The following MYPN variants were observed in gnomAD, a reference collection of about 807,000 sequenced individuals.
MYPN encodes the protein myopalladin.
Under a neutral mutation model 129.4 loss-of-function variants are expected in MYPN, and 63 were observed. The observed-to-expected ratio is 0.49, with a 90% CI of 0.40 to 0.60. The LOEUF (loss-of-function observed/expected upper bound fraction) is 0.60. Ranked by LOEUF, MYPN falls within the 20% of genes least tolerant of loss-of-function variation. MYPN has a pLI of 0.00. For synonymous variants in MYPN, 629 were observed against 600.9 expected, an observed-to-expected ratio of 1.05 and a Z score of -0.68; for missense variants, 1,596 against 1,635.4, an observed-to-expected ratio of 0.98 and a Z score of 0.42.
At chr10:68,205,510 T>C (rs1382770749) in intron 18 of MYPN, among the ~76,000 whole-genome samples, 3 of 115,550 alleles carry the variant, frequency 2.6e-5, no homozygotes, top group East Asian at 4.2e-4. Context: ...GAAACCCTAT[T>C]TCTACCAAAA....
intron 12 of MYPN, among the ~76,000 whole-genome samples, chr10:68,178,908 C>T (rs4480432): frequency 0.41 from 62,785 of 151,338 alleles, 13,750 homozygotes; most frequent in Non-Finnish European, 0.49. Flanking sequence ...TTCCAACTTT[C>T]CTCCTTGACC....
chr10:68,088,149 C>T (rs1309471924), intron 1 of MYPN, among the ~76,000 whole-genome samples: 1 of 152,162 alleles, frequency 6.6e-6, no homozygotes. Flanking sequence ...TTCTATTCAT[C>T]CTTAATCAGG....
At position 68,174,638 on chromosome 10, in the gene MYPN, C is replaced by T. The variant is rs1207673431; in HGVS notation, c.2546C>T (p.Pro849Leu). The change falls in exon 11 of 20, where the codon CCT (proline) becomes CTT (leucine). Residue 849 changes from proline (P) to leucine (L), a missense_variant. Pro to Leu is a moderately conservative substitution (Grantham distance 98). Transcript: ENST00000358913. ...AIPPTNAMGLPRSAPSMPSQG... is the reference protein window; with the variant it reads ...AIPPTNAMGLLRSAPSMPSQG... Reference sequence around the variant, plus strand: ...CCACCCACAAATGCCATGGGGCTGCCTAGAAGTGCACCATCCATGTAAGTG... The same window carrying T: ...CCACCCACAAATGCCATGGGGCTGCTTAGAAGTGCACCATCCATGTAAGTG... 3.7e-6 allele frequency: 6 copies of T among 1,614,118 alleles called. No individual in the cohort carries two copies. The highest frequency in any genetic ancestry group is 2.2e-5 in the South Asian group (2 of 91,088).
At chr10:68,118,531 C>T (rs1368856437) in intron 1 of MYPN, among the ~76,000 whole-genome samples, 2 of 152,110 alleles carry the variant, frequency 1.3e-5, no homozygotes, top group African/African-American at 2.4e-5. Context: ...GACAAAGTCA[C>T]ATTAAAACAC....
intron 12 of MYPN, among the ~76,000 whole-genome samples, chr10:68,185,013 A>T (rs2134243466): frequency 6.6e-6 from 1 of 152,226 alleles, no homozygotes; most frequent in African/African-American, 2.4e-5. Flanking sequence ...GTGATGATGG[A>T]AACTGGGACT....
chr10:68,102,016 A>G (rs1165607563), upstream of MYPN, among the ~76,000 whole-genome samples: 1 of 151,934 alleles, frequency 6.6e-6, no homozygotes, highest in East Asian at 1.9e-4. Context: ...TACTGCCCAG[A>G]ATTTAAATTC....
chr10:68,153,959 GT>G (rs1373301140), intron 6 of MYPN, among the ~76,000 whole-genome samples: 1 of 151,674 alleles, frequency 6.6e-6, no homozygotes, highest in African/African-American at 2.4e-5. Flanking sequence ...AGCGAGCAGA[GT>G]TTTATTTAAC....
intron 17 of MYPN, among the ~76,000 whole-genome samples, chr10:68,200,199 T>C (rs977064732): frequency 5.9e-5 from 9 of 152,242 alleles, no homozygotes; most frequent in African/African-American, 1.9e-4. Context: ...GGTCAGAGAC[T>C]GTGGCTCGTC....
chr10:68,198,463 T>A (rs1292103615), intron 16 of MYPN, among the ~76,000 whole-genome samples: 2 of 152,186 alleles, frequency 1.3e-5, no homozygotes, highest in Non-Finnish European at 2.9e-5. Flanking sequence ...TGCAGAATGC[T>A]ATGGAAGACT....
intron 13 of MYPN, among the ~76,000 whole-genome samples, chr10:68,193,890 C>T (rs1446721766): frequency 6.8e-6 from 1 of 146,472 alleles, no homozygotes; most frequent in Non-Finnish European, 1.5e-5. Flanking sequence ...TAATCCTAGC[C>T]TCATTCCATT....
chr10:68,114,483 G>A (rs1008403122), intron 1 of MYPN, among the ~76,000 whole-genome samples: 1 of 151,814 alleles, frequency 6.6e-6, no homozygotes, highest in Non-Finnish European at 1.5e-5. Flanking sequence ...CAGGTAACTG[G>A]GATTACAGGC....
intron 1 of MYPN, among the ~76,000 whole-genome samples, chr10:68,088,583 C>T (rs1284918754): frequency 6.6e-6 from 1 of 152,080 alleles, no homozygotes; most frequent in Non-Finnish European, 1.5e-5. Context: ...TTTCTGTCTC[C>T]CATACTAGAA....
intron 2 of MYPN, among the ~76,000 whole-genome samples, chr10:68,126,558 G>T (rs773145559): frequency 2.6e-5 from 4 of 152,148 alleles, no homozygotes; most frequent in Admixed American, 6.5e-5. Flanking sequence ...GGTCGGACTC[G>T]GGTAGGTGTG....
chr10:68,199,876 C>T (rs1476352742), intron 17 of MYPN, among the ~76,000 whole-genome samples: 1 of 152,222 alleles, frequency 6.6e-6, no homozygotes, highest in Non-Finnish European at 1.5e-5. Context: ...TACAGTCCAT[C>T]ATTCCTGGAA....
At chr10:68,098,813 A>G (rs1279324047) in intron 1 of MYPN, among the ~76,000 whole-genome samples, 1 of 152,184 alleles carries the variant, frequency 6.6e-6, no homozygotes, top group Non-Finnish European at 1.5e-5. Flanking sequence ...ATTGCACTCC[A>G]GCCTGGGCGA....
intron 19 of MYPN, among the ~76,000 whole-genome samples, chr10:68,209,674 T>TTC (rs1342708839): frequency 1.6e-3 from 57 of 36,216 alleles, no homozygotes; most frequent in African/African-American, 0.015. Flanking sequence ...TTCTTTTCTT[T>TTC]TTTTTTTTTT....
chr10:68,132,308 T>TA, intron 2 of MYPN, among the ~76,000 whole-genome samples: 1 of 152,346 alleles, frequency 6.6e-6, no homozygotes, highest in East Asian at 1.9e-4. Context: ...TTTATAATGT[T>TA]AAACCAATCT....
chr10:68,093,466 T>A (rs10823134), intron 1 of MYPN, among the ~76,000 whole-genome samples: 5 of 150,370 alleles, frequency 3.3e-5, no homozygotes, highest in African/African-American at 9.8e-5. Flanking sequence ...AGGCCGAGCG[T>A]GGTGGCTCAT....
intron 6 of MYPN, among the ~76,000 whole-genome samples, chr10:68,157,866 A>T (rs1408109406): frequency 6.6e-6 from 1 of 150,904 alleles, no homozygotes; most frequent in East Asian, 1.9e-4. Flanking sequence ...AAACAAAAAA[A>T]AACACCCCCG....
Sources: allele counts gnomAD v4.1 joint callset (sites outside exome capture counted in the v4.1 genomes callset), GRCh38; gene constraint gnomAD v4.1.1; transcripts MANE v1.5; gene names NCBI Gene and HGNC (gene_info 2026-07-23, HGNC 2026-07-21).